LHFPL2: variants seen among roughly 807,000 people sequenced by gnomAD.
The protein encoded by LHFPL2 is LHFPL tetraspan subfamily member 2, also known as LHFPL tetraspan subfamily member 2 protein.
In LHFPL2, 7 loss-of-function variants were observed where a neutral mutation model predicts 17.5. That is an observed-to-expected ratio of 0.40 (90% CI 0.23 to 0.75). The LOEUF (loss-of-function observed/expected upper bound fraction) is 0.75, where lower values mean the gene tolerates loss of function less well. LHFPL2 is among the 30% of genes least tolerant of loss of function. LHFPL2 has a pLI of 0.37. For missense variants in LHFPL2, 241 were observed against 294.8 expected (o/e 0.82, Z 1.34); for synonymous variants, 134 against 116.2 (o/e 1.15, Z -0.99).
intron 2 of LHFPL2, among the ~76,000 whole-genome samples, chr5:78,623,819 G>A (rs1465425470): frequency 3.3e-5 from 5 of 152,064 alleles, no homozygotes; most frequent in African/African-American, 1.2e-4. Context: ...TATATTTTGG[G>A]TTCAAGTAAA....
chr5:78,637,240 CT>C (rs1455962439), intron 1 of LHFPL2, among the ~76,000 whole-genome samples: 4 of 152,178 alleles, frequency 2.6e-5, no homozygotes, highest in African/African-American at 9.7e-5. Flanking sequence ...AATAGGCAAC[CT>C]TTTAAAAGCT....
chr5:78,600,418 A>C (rs1743970640), intron 2 of LHFPL2, among the ~76,000 whole-genome samples: 1 of 152,074 alleles, frequency 6.6e-6, no homozygotes, highest in Non-Finnish European at 1.5e-5. Context: ...CTGAGTTTCA[A>C]ATATCAAATC....
rs1457061616 is a variant in LHFPL2, at chr5:78,580,147, C to A, written c.-244-15276G>T. On this transcript the variant is annotated intron_variant, in intron 2 of 4. Coordinates refer to ENST00000380345, the MANE Select transcript of LHFPL2 (RefSeq NM_005779.3). ...TGTTTTTTGGCTGCATAAATGTCTT[C>A]TTTTGAGAAGTGTCTGTTCATGTCC... Among the ~76,000 whole-genome samples, 7 of 152,258 alleles carry A rather than the reference C, an allele frequency of 4.6e-5. No individual in the cohort carries two copies. In the East Asian group the frequency reaches 7.7e-4, roughly 17 times the overall value.
intron 3 of LHFPL2, among the ~76,000 whole-genome samples, chr5:78,525,386 A>G (rs1934094451): frequency 6.6e-6 from 1 of 152,246 alleles, no homozygotes; most frequent in Non-Finnish European, 1.5e-5. Flanking sequence ...ACTGTAATGC[A>G]CAGAGTAAGC....
chr5:78,623,454 T>C (rs558976402), intron 2 of LHFPL2, among the ~76,000 whole-genome samples: 2 of 152,340 alleles, frequency 1.3e-5, no homozygotes, highest in South Asian at 2.1e-4. Flanking sequence ...CCCCCATAGA[T>C]TGCTTTAAAA....
At chr5:78,602,554 C>G (rs182776687) in intron 2 of LHFPL2, among the ~76,000 whole-genome samples, 2 of 152,186 alleles carry the variant, frequency 1.3e-5, no homozygotes, top group Admixed American at 6.5e-5. Context: ...AGAACAAACA[C>G]CTCCCATAGG....
intron 3 of LHFPL2, among the ~76,000 whole-genome samples, chr5:78,538,428 T>C (rs966180708): frequency 3.3e-5 from 5 of 152,186 alleles, no homozygotes; most frequent in Admixed American, 3.3e-4. Flanking sequence ...AAAATCTCAG[T>C]GCATCTATCA....
chr5:78,514,601 G>A (rs1755235440), intron 3 of LHFPL2, among the ~76,000 whole-genome samples: 2 of 152,328 alleles, frequency 1.3e-5, no homozygotes, highest in African/African-American at 4.8e-5. Context: ...GAAAGTGTAT[G>A]TGAAGCCAGA....
At chr5:78,566,330 C>T (rs1756858517) in intron 2 of LHFPL2, among the ~76,000 whole-genome samples, 2 of 152,184 alleles carry the variant, frequency 1.3e-5, no homozygotes, top group African/African-American at 4.8e-5. Flanking sequence ...ACAAAGGCCA[C>T]TATCTAAAAA....
intron 1 of LHFPL2, among the ~76,000 whole-genome samples, chr5:78,638,456 C>T (rs1368669858): frequency 6.6e-6 from 1 of 152,216 alleles, no homozygotes; most frequent in South Asian, 2.1e-4. Context: ...ACATCTGCCT[C>T]CCTTCGAGGG....
At chr5:78,522,715 C>T (rs1580772220) in intron 3 of LHFPL2, among the ~76,000 whole-genome samples, 5 of 152,100 alleles carry the variant, frequency 3.3e-5, no homozygotes, top group Admixed American at 3.3e-4. Context: ...TCTTACTGCC[C>T]TCCGGAAACT....
intron 1 of LHFPL2, among the ~76,000 whole-genome samples, chr5:78,640,462 T>C (rs1341270366): frequency 1.3e-5 from 2 of 152,142 alleles, no homozygotes; most frequent in South Asian, 2.1e-4. Context: ...ATATCAACAA[T>C]GAGTAGGAAC....
In LHFPL2 at chr5:78,489,045, G is replaced by A; in HGVS notation, c.539C>T (p.Ser180Phe). Residue 180 changes from serine (S) to phenylalanine (F), a missense_variant, in exon 5 of 5, where the codon TCC becomes TTC. Coordinates refer to ENST00000380345, the MANE Select transcript of LHFPL2 (RefSeq NM_005779.3). ...YASAYKPGDC[S>F]LGWAFYTAIG... is the part of the protein sequence containing the mutation. ...GGCGGTATAAAAGGCCCAGCCCAAG[G>A]AGCAGTCTCCAGGTTTGTAGGCAGA... The A allele has an allele frequency of 6.2e-7, 1 of 1,614,238 alleles. No homozygotes were observed. Among genetic ancestry groups the A allele is most frequent in the South Asian group, 1.1e-5 (1 of 91,090 alleles).
At chr5:78,591,124 C>G (rs1476782822) in intron 2 of LHFPL2, among the ~76,000 whole-genome samples, 1 of 152,184 alleles carries the variant, frequency 6.6e-6, no homozygotes, top group Non-Finnish European at 1.5e-5. Context: ...AAAATCTCCT[C>G]AGGCTTAGTC....
chr5:78,562,941 G>A (rs1359229183), intron 3 of LHFPL2, among the ~76,000 whole-genome samples: 5 of 152,210 alleles, frequency 3.3e-5, no homozygotes, highest in Admixed American at 2.0e-4. Flanking sequence ...AACCCACAAA[G>A]GGGGGACTAA....
intron 3 of LHFPL2, among the ~76,000 whole-genome samples, chr5:78,521,054 T>C (rs1333583456): frequency 6.6e-6 from 1 of 152,222 alleles, no homozygotes; most frequent in Non-Finnish European, 1.5e-5. Flanking sequence ...CTTATATATG[T>C]CAAGAAAGGT....
chr5:78,591,214 G>C (rs562158599), intron 2 of LHFPL2, among the ~76,000 whole-genome samples: 6 of 152,272 alleles, frequency 3.9e-5, no homozygotes, highest in African/African-American at 1.2e-4. Flanking sequence ...AGAAAAAAAT[G>C]AAGACGAGGG....
Position 78,488,594 on chromosome 5 carries a change from T to C in LHFPL2, c.*303A>G. 1 of 353,076 alleles carries C rather than the reference T, an allele frequency of 2.8e-6. No homozygotes were observed. 21.9% of individuals were successfully genotyped at this position (353,076 alleles called of 1,614,324 possible). A position where few individuals can be genotyped will look rare whatever the true frequency, so the allele number is the denominator to read the frequency against. Reference sequence around the variant, plus strand: ...TCCGTTACCAGAGAAACTGCTGCCCTAATGATTTAGATTATTATCCTTCAT... The same window carrying C: ...TCCGTTACCAGAGAAACTGCTGCCCCAATGATTTAGATTATTATCCTTCAT... On this transcript the variant is annotated 3_prime_UTR_variant, in exon 5 of 5. Coordinates refer to ENST00000380345, the MANE Select transcript of LHFPL2 (RefSeq NM_005779.3).
At chr5:78,645,368 C>A (rs1371586688) in intron 1 of LHFPL2, among the ~76,000 whole-genome samples, 1 of 151,766 alleles carries the variant, frequency 6.6e-6, no homozygotes, top group Admixed American at 6.6e-5. Context: ...TAGGTATTTG[C>A]TGAATGACTG....
Sources: allele counts gnomAD v4.1 joint callset (sites outside exome capture counted in the v4.1 genomes callset), GRCh38; gene constraint gnomAD v4.1.1; transcripts MANE v1.5; gene names NCBI Gene and HGNC (gene_info 2026-07-23, HGNC 2026-07-21).